Variants in CHFR observed in about 807,000 individuals in gnomAD.
CHFR encodes checkpoint with forkhead and ring finger domains, also known as E3 ubiquitin-protein ligase CHFR.
CHFR carries 57 observed loss-of-function variants against 87.6 expected under a neutral mutation model. The observed-to-expected ratio is 0.65, with a 90% CI of 0.53 to 0.81. CHFR has a LOEUF of 0.81. Among genes scored for constraint, CHFR ranks in the 30% least tolerant of loss-of-function variants. The pLI is 0.00. For missense variants in CHFR, 797 were observed against 865.8 expected (o/e 0.92, Z 1.00); for synonymous variants, 381 against 359.2 (o/e 1.06, Z -0.69).
In CHFR at chr12:132,848,138, T is replaced by C; in HGVS notation, c.1594A>G (p.Lys532Glu). The C allele has an allele frequency of 6.2e-7, 1 of 1,614,134 alleles. No homozygotes were observed. Among genetic ancestry groups the C allele is most frequent in the Non-Finnish European group, 8.5e-7 (1 of 1,180,012 alleles). ...APFCELNLGD[K>E]CLDGVLNNNS... ...TTGTTCAGCACGCCGTCCAGACACT[T>C]GTCACCCAGGTTGAGCTCTGCCGAG... Residue 532 changes from lysine (K) to glutamate (E), a missense_variant, in exon 14 of 18, where the codon AAG (lysine) becomes GAG (glutamate). Transcript: ENST00000450056.
chr12:132,875,875 C>T (rs1177718650), intron 3 of CHFR, among the ~76,000 whole-genome samples: 2 of 151,924 alleles, frequency 1.3e-5, no homozygotes, highest in East Asian at 3.9e-4. Context: ...CCATAAAACA[C>T]CGTAAGTGAA....
intron 6 of CHFR, chr12:132,862,230 G>T (rs1348479115): frequency 4.4e-6 from 1 of 229,336 alleles, no homozygotes; most frequent in Non-Finnish European, 8.9e-6. Flanking sequence ...AGCCAAGATC[G>T]TGCCACTGCA....
intron 17 of CHFR, among the ~76,000 whole-genome samples, 198 bp from the exon 18 acceptor site, chr12:132,841,794 T>C (rs1437271723): frequency 1.3e-5 from 2 of 152,174 alleles, no homozygotes; most frequent in African/African-American, 4.8e-5. Context: ...CTTTATCCCT[T>C]TAAAAATTTT....
At chr12:132,878,276 C>A (rs1951677206) in intron 2 of CHFR, among the ~76,000 whole-genome samples, 1 of 152,102 alleles carries the variant, frequency 6.6e-6, no homozygotes, top group African/African-American at 2.4e-5. Flanking sequence ...CGAGACCAGC[C>A]TGGCCAACAC....
At chr12:132,865,543 T>C (rs1951314481) in intron 6 of CHFR, among the ~76,000 whole-genome samples, 1 of 152,068 alleles carries the variant, frequency 6.6e-6, no homozygotes, top group South Asian at 2.1e-4. Context: ...TGGATAATTT[T>C]TGTATTTTCA....
intron 6 of CHFR, chr12:132,866,194 G>A (rs1167599375): frequency 6.6e-6 from 1 of 152,208 alleles, no homozygotes; most frequent in Non-Finnish European, 1.5e-5. Context: ...ACTCTCCACA[G>A]TCTTGCCTGC....
chr12:132,845,379 A>G (rs1950795358), intron 15 of CHFR, among the ~76,000 whole-genome samples: 1 of 152,030 alleles, frequency 6.6e-6, no homozygotes, highest in African/African-American at 2.4e-5. Flanking sequence ...CAATTGTTGA[A>G]CCTGGGAGGC....
intron 10 of CHFR, 145 bp from the exon 11 acceptor site, chr12:132,853,718 G>A (rs1950999909): frequency 2.2e-6 from 2 of 927,792 alleles, no homozygotes; most frequent in East Asian, 3.2e-5. Context: ...CCCCATTCCT[G>A]TCCAGCACCC....
At chr12:132,868,290 A>G (rs900928509) in intron 6 of CHFR, among the ~76,000 whole-genome samples, 3 of 152,292 alleles carry the variant, frequency 2.0e-5, no homozygotes, top group Admixed American at 2.0e-4. Context: ...GGAGATCGAG[A>G]CCATCCTGGC....
chr12:132,854,371 TCA>T (rs1951016072), intron 10 of CHFR: 1 of 152,208 alleles, frequency 6.6e-6, no homozygotes, highest in Non-Finnish European at 1.5e-5. Flanking sequence ...CAATTCCCAG[TCA>T]CACTCTGTGA....
intron 6 of CHFR, among the ~76,000 whole-genome samples, chr12:132,862,988 C>G (rs1951250286): frequency 2.7e-5 from 4 of 150,920 alleles, no homozygotes; most frequent in Admixed American, 2.6e-4. Context: ...GCTCTGCCTC[C>G]CTGGTTCACG....
In CHFR at chr12:132,848,717, G is replaced by C. The variant is rs375656978; in HGVS notation, c.1500C>G (p.Val500=). ...ACAGGTGGCAGAAAGGCTGCAGGCA[G>C]ACCGCACCTGTGGAGAGAGGACACT... ...DPRVAPQQCA[V]CLQPFCHLYW... Residue 500 remains valine, a synonymous_variant, in exon 13 of 18, where the codon GTC becomes GTG. Coordinates refer to ENST00000450056, the MANE Select transcript of CHFR (RefSeq NM_001161346.2). 1.3e-6 allele frequency: 2 copies of C among 1,583,368 alleles called. No individual in the cohort carries two copies. Among genetic ancestry groups the C allele is most frequent in the Admixed American group, 1.8e-5 (1 of 55,656 alleles).
At chr12:132,886,196 C>T (rs1951888960) in intron 2 of CHFR, among the ~76,000 whole-genome samples, 1 of 152,110 alleles carries the variant, frequency 6.6e-6, no homozygotes, top group African/African-American at 2.4e-5. Context: ...CCTGTAGTCC[C>T]AGCTACTCCG....
At chr12:132,860,451 TC>T (rs1389886865) in intron 7 of CHFR, among the ~76,000 whole-genome samples, 9 of 152,222 alleles carry the variant, frequency 5.9e-5, no homozygotes, top group African/African-American at 1.4e-4. Flanking sequence ...TGCTTATTTT[TC>T]CTGTGTAACT....
chr12:132,850,594 T>G (rs1950918473), intron 12 of CHFR, among the ~76,000 whole-genome samples: 1 of 152,082 alleles, frequency 6.6e-6, no homozygotes, highest in African/African-American at 2.4e-5. Flanking sequence ...GTCCCGACGC[T>G]GCAGGCTAGG....
intron 12 of CHFR, 26 bp downstream of exon 12, chr12:132,851,592 C>T (rs1950945920): frequency 1.3e-6 from 2 of 1,590,600 alleles, no homozygotes; most frequent in Non-Finnish European, 8.6e-7. Flanking sequence ...AGGAACCCGC[C>T]TGCGTGCGGT....
At chr12:132,877,099 A>G (rs768249308) in intron 3 of CHFR, among the ~76,000 whole-genome samples, 44 of 151,990 alleles carry the variant, frequency 2.9e-4, no homozygotes, top group Non-Finnish European at 4.1e-4. Flanking sequence ...CCGGGCTGAT[A>G]ATAATGTTTT....
At position 132,877,582 on chromosome 12, in the gene CHFR, G is replaced by A; in HGVS notation, c.206C>T (p.Ser69Leu). 1 of 1,612,896 alleles carries A rather than the reference G, an allele frequency of 6.2e-7. No individual in the cohort carries two copies. Among genetic ancestry groups the A allele is most frequent in the Non-Finnish European group, 8.5e-7 (1 of 1,179,220 alleles). The change falls in exon 3 of 18, where the codon TCA becomes TTA. Residue 69 changes from serine (S) to leucine (L), a missense_variant. Ser to Leu is a moderately radical substitution (Grantham distance 145). This residue lies in a region of CHFR where 597 missense variants were observed against 601.2 expected (regional missense o/e 0.99). Transcript: ENST00000450056. Reference sequence around the variant, plus strand: ...GGTATCTTCCAGTGTCACCTGACCTGATTTTTCATCCACTACAATTCTACA... The same window carrying A: ...GGTATCTTCCAGTGTCACCTGACCTAATTTTTCATCCACTACAATTCTACA... ...DHCRIVVDEKSGQVTLEDTST... is the reference protein window; with the variant it reads ...DHCRIVVDEKLGQVTLEDTST...
At chr12:132,875,098 G>A (rs115769697) in intron 3 of CHFR, among the ~76,000 whole-genome samples, 3,731 of 152,380 alleles carry the variant, frequency 0.024, 151 homozygotes, top group African/African-American at 0.084. Flanking sequence ...GGACAGCTAG[G>A]GACCAGCACC....
Sources: allele counts gnomAD v4.1 joint callset (sites outside exome capture counted in the v4.1 genomes callset), GRCh38; gene constraint gnomAD v4.1.1; regional missense constraint gnomAD v4.1.1; transcripts MANE v1.5; gene names NCBI Gene and HGNC (gene_info 2026-07-23, HGNC 2026-07-21).